Variants in RGS10 observed in about 807,000 individuals in gnomAD.
RGS10 encodes the protein regulator of G-protein signalling 10.
Under a neutral mutation model 23.5 loss-of-function variants are expected in RGS10, and 11 were observed. The observed-to-expected ratio is 0.47, with a 90% confidence interval of 0.29 to 0.77. RGS10 has a LOEUF of 0.77. Ranked by LOEUF, RGS10 falls within the 30% of genes least tolerant of loss-of-function variation. The probability of loss-of-function intolerance (pLI) is 0.08; values close to 1 mark genes in which losing one functional copy is unlikely to be tolerated. For synonymous variants in RGS10, 77 were observed against 83.2 expected, an observed-to-expected ratio of 0.92 and a Z score of 0.41; for missense variants, 180 against 226.3, an observed-to-expected ratio of 0.80 and a Z score of 1.31.
At position 119,542,603 on chromosome 10, in the gene RGS10, C is replaced by T; in HGVS notation, c.36G>A (p.Lys12=). ...GAAGCCGCTTACCTGACGGCGGCCG[C>T]TTCCTGCTCAGCCGGCTCACGGCGC... ...FNRAVSRLSR[K]RPPSDIHDSD... The change falls in exon 1 of 5, where the codon AAG becomes AAA. Residue 12 remains lysine (K), a synonymous_variant. Transcript: ENST00000369103. 1 of 1,427,212 alleles carries T rather than the reference C, an allele frequency of 7.0e-7. No individual in the cohort carries two copies. Among genetic ancestry groups the T allele is most frequent in the Non-Finnish European group, 9.2e-7 (1 of 1,088,226 alleles). The allele number at this position is 1,427,212 out of a possible 1,614,324, so 88.4% of individuals were successfully genotyped here.
Position 119,515,240 on chromosome 10 carries a change from C to G in RGS10, c.399+269G>C, listed in dbSNP as rs1844127965. ...TCCTCAAATAGCTCCAGCCTCCCCTCTAATCTGGACTGAGAAGGCAGATAA... is the reference window on the plus strand; with the variant it reads ...TCCTCAAATAGCTCCAGCCTCCCCTGTAATCTGGACTGAGAAGGCAGATAA... On this transcript the variant is annotated intron_variant, in intron 4 of 4. Transcript: ENST00000369103. The G allele has an allele frequency of 1.6e-5, 7 of 425,004 alleles. No homozygotes were observed. In the South Asian group the frequency reaches 1.8e-4, roughly 11 times the overall value. 26.3% of individuals were successfully genotyped at this position (425,004 alleles called of 1,614,324 possible). A position where few individuals can be genotyped will look rare whatever the true frequency, so the allele number is the denominator to read the frequency against.
chr10:119,504,860 G>A (rs1217044235), intron 4 of RGS10, among the ~76,000 whole-genome samples: 1 of 152,160 alleles, frequency 6.6e-6, no homozygotes, highest in Non-Finnish European at 1.5e-5. Context: ...ACCCACCAGA[G>A]TCTTGTGGAG....
chr10:119,534,036 CTT>C (rs1324935515), intron 1 of RGS10, among the ~76,000 whole-genome samples: 4 of 151,502 alleles, frequency 2.6e-5, no homozygotes, highest in East Asian at 2.0e-4. Flanking sequence ...GGGTGGATCA[CTT>C]GAGGCCAGGC....
At position 119,536,145 on chromosome 10, in the gene RGS10, G is replaced by C. The variant is rs143175759; in HGVS notation, c.49+6445C>G. On this transcript the variant is annotated intron_variant, in intron 1 of 4. Coordinates refer to ENST00000369103, the MANE Select transcript of RGS10 (RefSeq NM_001005339.2). ...ACCTGCATGCAATTCCCTTGCCAGA[G>C]AGATCTGATTGAACTGCAGTTAGCA... Among the ~76,000 whole-genome samples the C allele has an allele frequency of 2.6e-4, 40 of 152,298 alleles. No individual in the cohort carries two copies. The East Asian group carries it at 7.3e-3, about 28-fold the overall frequency.
At position 119,524,819 on chromosome 10, in the gene RGS10, C is replaced by G. The variant is rs1018441696; in HGVS notation, c.255+1213G>C. ...GCCAAAGAGAATCCATCTTAGAATACTCCCTTGCCACCTCCAGAGAGGAAG... is the reference window on the plus strand; with the variant it reads ...GCCAAAGAGAATCCATCTTAGAATAGTCCCTTGCCACCTCCAGAGAGGAAG... On this transcript the variant is annotated intron_variant, in intron 3 of 4. Coordinates refer to ENST00000369103, the MANE Select transcript of RGS10 (RefSeq NM_001005339.2). The surrounding 1 kb of genome is among the most constrained non-coding windows in gnomAD (Gnocchi z 5.2). 8.5e-5 allele frequency among the ~76,000 whole-genome samples: 13 copies of G among 152,204 alleles called. No homozygotes were observed. The highest frequency in any genetic ancestry group is 1.5e-4 in the Non-Finnish European group (10 of 68,034).
intron 3 of RGS10, among the ~76,000 whole-genome samples, chr10:119,521,225 C>T (rs906179568): frequency 3.3e-5 from 5 of 152,020 alleles, no homozygotes; most frequent in African/African-American, 1.2e-4. Flanking sequence ...GAGCCGTGAC[C>T]TCACTATATT....
chr10:119,503,356 G>A (rs1244636952), intron 4 of RGS10, among the ~76,000 whole-genome samples: 1 of 149,410 alleles, frequency 6.7e-6, no homozygotes, highest in Non-Finnish European at 1.5e-5. Context: ...AAAAAAAAAA[G>A]AGAATGCACC....
chr10:119,501,131 T>C (rs762091041), intron 4 of RGS10, among the ~76,000 whole-genome samples: 52 of 152,200 alleles, frequency 3.4e-4, no homozygotes, highest in Non-Finnish European at 6.9e-4. Flanking sequence ...CCCTCCTCCC[T>C]TGCCCCAGGA....
At chr10:119,503,544 C>T (rs1009897715) in intron 4 of RGS10, among the ~76,000 whole-genome samples, 3 of 152,150 alleles carry the variant, frequency 2.0e-5, no homozygotes, top group East Asian at 1.9e-4. Context: ...CTAGTACCAA[C>T]GCGGCTGCAG....
At chr10:119,533,701 G>A (rs1251275963) in intron 1 of RGS10, among the ~76,000 whole-genome samples, 1 of 152,182 alleles carries the variant, frequency 6.6e-6, no homozygotes, top group Non-Finnish European at 1.5e-5. Context: ...GCAGCTTTAC[G>A]ATCTCTCCAG....
At chr10:119,502,581 G>T (rs1177596451) in intron 4 of RGS10, among the ~76,000 whole-genome samples, 1 of 152,176 alleles carries the variant, frequency 6.6e-6, no homozygotes, top group Admixed American at 6.5e-5. Flanking sequence ...GGTGCTGGGG[G>T]CACCCAGGGC....
At chr10:119,536,040 T>G (rs184843986) in intron 1 of RGS10, among the ~76,000 whole-genome samples, 378 of 152,308 alleles carry the variant, frequency 2.5e-3, no homozygotes, top group Non-Finnish European at 3.7e-3. Context: ...CCAGAGAAAC[T>G]GGGTCATGGA....
intron 2 of RGS10, among the ~76,000 whole-genome samples, chr10:119,526,638 C>T (rs548112606): frequency 5.9e-5 from 9 of 152,324 alleles, no homozygotes; most frequent in African/African-American, 1.9e-4. Context: ...GCAAACACTG[C>T]TCACAGTGGC....
chr10:119,526,002 G>A (rs987832022), intron 3 of RGS10, 30 bp downstream of exon 3: 12 of 1,299,454 alleles, frequency 9.2e-6, no homozygotes, highest in East Asian at 2.4e-5. Context: ...ACTTTATAAG[G>A]GAAAAAAATT....
chr10:119,537,873 C>A (rs964481623), intron 1 of RGS10, among the ~76,000 whole-genome samples: 1 of 152,116 alleles, frequency 6.6e-6, no homozygotes, highest in Non-Finnish European at 1.5e-5. Context: ...TTACGTGGGG[C>A]ACAGTGCAGG....
Position 119,542,682 on chromosome 10 carries a change from C to A in RGS10, c.-44G>T. The A allele has an allele frequency of 2.3e-6, 3 of 1,329,888 alleles. No individual in the cohort carries two copies. The highest frequency in any genetic ancestry group is 1.9e-6 in the Non-Finnish European group (2 of 1,039,770). 82.4% of individuals were successfully genotyped at this position (1,329,888 alleles called of 1,614,324 possible). On this transcript the variant is annotated 5_prime_UTR_variant, in exon 1 of 5. Transcript: ENST00000369103. ...AGGAAGAAGGAGCAGCCCGGCGGCGCGGCGGCTGAGCCGGAGGAAGGCGAG... is the reference window on the plus strand; with the variant it reads ...AGGAAGAAGGAGCAGCCCGGCGGCGAGGCGGCTGAGCCGGAGGAAGGCGAG...
intron 1 of RGS10, among the ~76,000 whole-genome samples, chr10:119,541,360 G>A (rs1844433358): frequency 6.6e-6 from 1 of 152,162 alleles, no homozygotes; most frequent in African/African-American, 2.4e-5. Flanking sequence ...AACAATGTAA[G>A]ATCATTACAA....
chr10:119,527,532 G>A lies in RGS10; in HGVS notation c.50-108C>T, dbSNP rs112504614. On this transcript the variant is annotated intron_variant, in intron 1 of 4. Transcript: ENST00000369103. The surrounding 1 kb of genome is among the most constrained non-coding windows in gnomAD (Gnocchi z 4.2). ...GTCACCATCACGGCTGACATACACC[G>A]ACTTATGCGTCAGGCTCTGTTCTAG... The A allele has an allele frequency of 3.9e-4, 313 of 803,690 alleles. 1 individual carries two copies. The African/African-American group carries it at 4.6e-3, about 12-fold the overall frequency. 49.8% of individuals were successfully genotyped at this position (803,690 alleles called of 1,614,324 possible).
At chr10:119,518,004 C>T (rs1844165782) in intron 3 of RGS10, among the ~76,000 whole-genome samples, 1 of 152,166 alleles carries the variant, frequency 6.6e-6, no homozygotes, top group African/African-American at 2.4e-5. Context: ...AAAAGGGAAA[C>T]CCTGAGACGG....
Sources: allele counts gnomAD v4.1 joint callset (sites outside exome capture counted in the v4.1 genomes callset), GRCh38; gene constraint gnomAD v4.1.1; non-coding constraint Gnocchi (gnomAD v3.1); transcripts MANE v1.5; gene names NCBI Gene and HGNC (gene_info 2026-07-23, HGNC 2026-07-21).